Variants in RBFOX1 observed in about 807,000 individuals in gnomAD.
RBFOX1 encodes RNA binding protein fox-1 homolog 1.
A neutral mutation model predicts 57.7 loss-of-function variants in RBFOX1; 8 were observed. The ratio of observed to expected loss-of-function variants is 0.14; its 90% confidence interval spans 0.08 to 0.25. The LOEUF (loss-of-function observed/expected upper bound fraction) is 0.25. RBFOX1 is among the 10% of genes least tolerant of loss of function. The pLI, the probability that RBFOX1 is intolerant of heterozygous loss-of-function variation, is 1.00. For synonymous variants in RBFOX1, 326 were observed against 222.4 expected (o/e 1.47, Z -4.15); for missense variants, 611 against 548.5 (o/e 1.11, Z -1.14).
chr16:6,874,346 A>G (rs1285336021), intron 3 of RBFOX1, among the ~76,000 whole-genome samples: 1 of 151,894 alleles, frequency 6.6e-6, no homozygotes, highest in South Asian at 2.1e-4. Flanking sequence ...CTGCATCTCC[A>G]CTAAAAATAC....
At chr16:6,987,984 T>A (rs1025379751) in intron 3 of RBFOX1, among the ~76,000 whole-genome samples, 2 of 152,138 alleles carry the variant, frequency 1.3e-5, no homozygotes, top group African/African-American at 2.4e-5. Context: ...CCTTGCATAA[T>A]CTTATATAGT....
chr16:6,598,718 C>T (rs1243504490), intron 2 of RBFOX1, among the ~76,000 whole-genome samples: 1 of 152,138 alleles, frequency 6.6e-6, no homozygotes, highest in African/African-American at 2.4e-5. Flanking sequence ...GTGGCTGAGG[C>T]AGGCAGATCA....
At chr16:5,598,325 G>A (rs1396912638) in intron 2 of RBFOX1, among the ~76,000 whole-genome samples, 4 of 152,130 alleles carry the variant, frequency 2.6e-5, no homozygotes, top group African/African-American at 9.7e-5. Context: ...GGGACCCCCA[G>A]CATCCTCGGT....
At position 6,844,800 on chromosome 16, in the gene RBFOX1, C is replaced by G. The variant is rs952481097; in HGVS notation, c.-16+190150C>G. ...ATGGTTGAACTAATTTACACTGCCT[C>G]CAACAGTGTAAAAATGTTGCTTTTT... On this transcript the variant is annotated intron_variant, in intron 3 of 15. Coordinates refer to ENST00000550418, the MANE Select transcript of RBFOX1 (RefSeq NM_018723.4). Among the ~76,000 whole-genome samples, 13 of 152,234 alleles carry G rather than the reference C, an allele frequency of 8.5e-5. No individual in the cohort carries two copies. The East Asian group carries it at 2.5e-3, about 29-fold the overall frequency.
intron 14 of RBFOX1, among the ~76,000 whole-genome samples, chr16:7,700,024 G>A (rs2080144660): frequency 1.3e-5 from 2 of 152,172 alleles, no homozygotes; most frequent in South Asian, 4.1e-4. Flanking sequence ...GCTGTAGAGG[G>A]ACATTCCTTG....
chr16:6,612,678 C>T (rs1450830310), intron 2 of RBFOX1, among the ~76,000 whole-genome samples: 1 of 151,592 alleles, frequency 6.6e-6, no homozygotes, highest in African/African-American at 2.4e-5. Context: ...ATGACAAAAC[C>T]CCTCCTCTAC....
chr16:5,410,469 GA>G (rs2066991146), intron 1 of RBFOX1, among the ~76,000 whole-genome samples: 1 of 152,130 alleles, frequency 6.6e-6, no homozygotes, highest in Admixed American at 6.5e-5. Context: ...GTACAAATAA[GA>G]CTATTTCAAG....
chr16:7,204,071 A>G (rs565844534), intron 4 of RBFOX1, among the ~76,000 whole-genome samples: 32 of 152,222 alleles, frequency 2.1e-4, no homozygotes, highest in African/African-American at 6.0e-4. Context: ...CCAGATTTCC[A>G]TATTTAAACT....
intron 2 of RBFOX1, among the ~76,000 whole-genome samples, chr16:6,588,188 G>A (rs1479887664): frequency 6.6e-6 from 1 of 151,656 alleles, no homozygotes; most frequent in Non-Finnish European, 1.5e-5. Context: ...CTGAGATTGT[G>A]CCACTGTACT....
At chr16:6,142,431 C>T (rs1431566397) in intron 1 of RBFOX1, among the ~76,000 whole-genome samples, 1 of 151,872 alleles carries the variant, frequency 6.6e-6, no homozygotes, top group Admixed American at 6.6e-5. Context: ...CCATGTTAGC[C>T]AGGATGGTCT....
At chr16:7,016,588 A>G (rs1473797007) in intron 3 of RBFOX1, among the ~76,000 whole-genome samples, 2 of 152,266 alleles carry the variant, frequency 1.3e-5, no homozygotes, top group South Asian at 2.1e-4. Context: ...CTCCAGCCAC[A>G]CTTCCACTTG....
At chr16:5,401,545 C>G (rs985074206) in intron 1 of RBFOX1, among the ~76,000 whole-genome samples, 2 of 152,132 alleles carry the variant, frequency 1.3e-5, no homozygotes, top group African/African-American at 2.4e-5. Flanking sequence ...TTTCTTAATG[C>G]AGGGGATTTC....
At chr16:6,518,488 T>G (rs2153795554) in intron 2 of RBFOX1, among the ~76,000 whole-genome samples, 1 of 152,046 alleles carries the variant, frequency 6.6e-6, no homozygotes, top group African/African-American at 2.4e-5. Context: ...ACACTGAGAG[T>G]CAGTTATTTT....
intron 1 of RBFOX1, among the ~76,000 whole-genome samples, chr16:5,356,377 C>G (rs1209774632): frequency 6.6e-6 from 1 of 152,162 alleles, no homozygotes; most frequent in African/African-American, 2.4e-5. Flanking sequence ...GTAATGACAG[C>G]CGTAGGAAAC....
At chr16:6,431,091 T>C (rs1369653409) in intron 2 of RBFOX1, among the ~76,000 whole-genome samples, 1 of 151,830 alleles carries the variant, frequency 6.6e-6, no homozygotes, top group Admixed American at 6.6e-5. Context: ...TGAGCCAGGA[T>C]TGTGCCATTG....
At chr16:7,002,815 C>G (rs542415235) in intron 3 of RBFOX1, among the ~76,000 whole-genome samples, 1 of 152,144 alleles carries the variant, frequency 6.6e-6, no homozygotes, top group Non-Finnish European at 1.5e-5. Context: ...GTGGTAGATG[C>G]TATATAATAA....
chr16:7,497,072 T>C (rs1185155212), intron 4 of RBFOX1, among the ~76,000 whole-genome samples: 1 of 152,100 alleles, frequency 6.6e-6, no homozygotes, highest in African/African-American at 2.4e-5. Flanking sequence ...CTACCAGCCA[T>C]TTAGTGGCCA....
intron 3 of RBFOX1, among the ~76,000 whole-genome samples, chr16:6,741,117 G>A (rs937660455): frequency 3.9e-5 from 6 of 151,990 alleles, no homozygotes; most frequent in African/African-American, 1.4e-4. Context: ...AATTTAATGG[G>A]GGAAGTATAA....
At chr16:7,414,732 C>G (rs980750932) in intron 4 of RBFOX1, among the ~76,000 whole-genome samples, 5 of 152,138 alleles carry the variant, frequency 3.3e-5, no homozygotes, top group African/African-American at 1.2e-4. Context: ...ATTCTTGTGC[C>G]TCAGCCTCCA....
Sources: allele counts gnomAD v4.1 joint callset (sites outside exome capture counted in the v4.1 genomes callset), GRCh38; gene constraint gnomAD v4.1.1; transcripts MANE v1.5; gene names NCBI Gene and HGNC (gene_info 2026-07-23, HGNC 2026-07-21).